The following RALYL variants were observed in gnomAD, a reference collection of about 807,000 sequenced individuals.
RALYL encodes RALY RNA binding protein like.
A neutral mutation model predicts 35.1 loss-of-function variants in RALYL; 29 were observed. That is an observed-to-expected ratio of 0.83 (90% CI 0.61 to 1.13). The LOEUF (loss-of-function observed/expected upper bound fraction) is 1.13. Ranked by LOEUF, RALYL falls within the 50% of genes most tolerant of loss-of-function variation. The probability of loss-of-function intolerance (pLI) is 0.00; values close to 1 mark genes in which losing one functional copy is unlikely to be tolerated. For synonymous variants in RALYL, 120 were observed against 127.6 expected, an observed-to-expected ratio of 0.94 and a Z score of 0.40; for missense variants, 359 against 360.4, an observed-to-expected ratio of 1.00 and a Z score of 0.03.
intron 2 of RALYL, among the ~76,000 whole-genome samples, chr8:84,725,711 T>C (rs1483713290): frequency 6.6e-6 from 1 of 151,668 alleles, no homozygotes; most frequent in Non-Finnish European, 1.5e-5. Context: ...AAGTAAGAGA[T>C]TATTAAACTA....
At chr8:84,280,381 T>A (rs1019565880) in intron 1 of RALYL, among the ~76,000 whole-genome samples, 3 of 152,142 alleles carry the variant, frequency 2.0e-5, no homozygotes, top group Admixed American at 6.6e-5. Context: ...CAGATATTTT[T>A]AAAATTTCAT....
At chr8:84,753,750 C>A (rs930072568) in intron 2 of RALYL, among the ~76,000 whole-genome samples, 2 of 152,238 alleles carry the variant, frequency 1.3e-5, no homozygotes, top group Middle Eastern at 3.4e-3. Flanking sequence ...GAGGCCTCCC[C>A]AGAAGCATGC....
intron 1 of RALYL, among the ~76,000 whole-genome samples, chr8:84,420,422 G>A (rs1393159995): frequency 2.0e-5 from 3 of 151,896 alleles, no homozygotes; most frequent in Non-Finnish European, 4.4e-5. Context: ...ATTTGTTTGA[G>A]TTCATTGTAG....
intron 8 of RALYL, among the ~76,000 whole-genome samples, chr8:84,896,103 C>T (rs1844700416): frequency 1.3e-5 from 2 of 152,176 alleles, no homozygotes; most frequent in African/African-American, 4.8e-5. Context: ...AGGATGCAGC[C>T]TTGCCACAGA....
chr8:84,415,791 T>G (rs961053652), intron 1 of RALYL, among the ~76,000 whole-genome samples: 4 of 152,184 alleles, frequency 2.6e-5, no homozygotes, highest in African/African-American at 7.2e-5. Flanking sequence ...ATGTGTATAT[T>G]TATGTACTTA....
intron 2 of RALYL, among the ~76,000 whole-genome samples, chr8:84,561,292 G>A (rs1002474662): frequency 1.3e-5 from 2 of 151,922 alleles, no homozygotes; most frequent in African/African-American, 4.8e-5. Flanking sequence ...TAATATATAG[G>A]AACAGAGAGT....
At chr8:84,497,112 A>G (rs114166839) in intron 1 of RALYL, among the ~76,000 whole-genome samples, 2,473 of 152,238 alleles carry the variant, frequency 0.016, 68 homozygotes, top group African/African-American at 0.056. Flanking sequence ...ACCATCCATG[A>G]AAACCTCCAT....
At chr8:84,785,866 T>G (rs1325351836) in intron 3 of RALYL, among the ~76,000 whole-genome samples, 1 of 152,226 alleles carries the variant, frequency 6.6e-6, no homozygotes, top group Non-Finnish European at 1.5e-5. Flanking sequence ...GTACAGGACG[T>G]GCAGGTTTGT....
intron 2 of RALYL, among the ~76,000 whole-genome samples, chr8:84,675,774 G>A (rs980098728): frequency 5.3e-5 from 8 of 151,958 alleles, no homozygotes; most frequent in African/African-American, 1.9e-4. Context: ...ACGTTAGATC[G>A]TCTTCTCCAC....
chr8:84,709,548 T>C (rs941160247), intron 2 of RALYL, among the ~76,000 whole-genome samples: 4 of 152,072 alleles, frequency 2.6e-5, no homozygotes, highest in African/African-American at 4.8e-5. Context: ...TTTTATACCA[T>C]ATATTTTACT....
At chr8:84,827,075 A>C (rs1181930190) in intron 4 of RALYL, among the ~76,000 whole-genome samples, 4 of 152,158 alleles carry the variant, frequency 2.6e-5, no homozygotes, top group African/African-American at 7.2e-5. Flanking sequence ...TAGAAATTAA[A>C]AACCTTATAG....
intron 1 of RALYL, among the ~76,000 whole-genome samples, chr8:84,506,307 C>A (rs140059791): frequency 3.3e-5 from 5 of 152,038 alleles, no homozygotes. Flanking sequence ...TAAAGACGCA[C>A]AGCTTATAGA....
intron 2 of RALYL, among the ~76,000 whole-genome samples, chr8:84,754,629 T>A (rs1339887197): frequency 2.0e-5 from 3 of 152,196 alleles, no homozygotes; most frequent in Non-Finnish European, 4.4e-5. Flanking sequence ...ACCAGTTGGG[T>A]ACCATTCTCT....
intron 2 of RALYL, among the ~76,000 whole-genome samples, chr8:84,559,935 C>G (rs1238108482): frequency 6.7e-6 from 1 of 150,250 alleles, no homozygotes; most frequent in Non-Finnish European, 1.5e-5. Context: ...TACAAGAGAG[C>G]TCTGAACTCC....
chr8:84,820,475 G>T (rs1828279591), intron 4 of RALYL, among the ~76,000 whole-genome samples: 1 of 152,174 alleles, frequency 6.6e-6, no homozygotes, highest in South Asian at 2.1e-4. Context: ...TACACAGCCA[G>T]CACTGTTTCC....
At chr8:84,217,410 A>C (rs1821087285) in intron 1 of RALYL, among the ~76,000 whole-genome samples, 1 of 152,104 alleles carries the variant, frequency 6.6e-6, no homozygotes, top group South Asian at 2.1e-4. Context: ...TCAATATTAA[A>C]TATATTTGAA....
intron 2 of RALYL, among the ~76,000 whole-genome samples, chr8:84,743,367 G>T (rs2133085265): frequency 6.6e-6 from 1 of 151,860 alleles, no homozygotes; most frequent in African/African-American, 2.4e-5. Flanking sequence ...TGATTATCAG[G>T]AAATGAAAGA....
intron 1 of RALYL, among the ~76,000 whole-genome samples, chr8:84,361,077 T>A (rs191284041): frequency 4.6e-5 from 7 of 152,202 alleles, no homozygotes; most frequent in Admixed American, 2.6e-4. Flanking sequence ...ATGATTTGGG[T>A]CTGAGTGTAA....
intron 1 of RALYL, among the ~76,000 whole-genome samples, chr8:84,454,480 G>A (rs922640809): frequency 6.6e-6 from 1 of 152,038 alleles, no homozygotes; most frequent in Non-Finnish European, 1.5e-5. Flanking sequence ...TGGAAGTAGA[G>A]TATTTACCTT....
Sources: allele counts gnomAD v4.1 joint callset (sites outside exome capture counted in the v4.1 genomes callset), GRCh38; gene constraint gnomAD v4.1.1; transcripts MANE v1.5; gene names NCBI Gene and HGNC (gene_info 2026-07-23, HGNC 2026-07-21).